LINGO2: variants seen among roughly 807,000 people sequenced by gnomAD.
LINGO2 encodes leucine rich repeat and Ig domain containing 2.
LINGO2 carries 14 observed loss-of-function variants against 30.6 expected under a neutral mutation model. That is an observed-to-expected ratio of 0.46 (90% CI 0.30 to 0.72). The LOEUF is 0.72. LINGO2 is among the 30% of genes least tolerant of loss of function. The pLI is 0.07. For synonymous variants in LINGO2, 317 were observed against 288.5 expected (o/e 1.10, Z -1.00); for missense variants, 729 against 751.7 (o/e 0.97, Z 0.35).
chr9:28,333,657 C>T (rs751292750), intron 3 of LINGO2, among the ~76,000 whole-genome samples: 24 of 152,066 alleles, frequency 1.6e-4, no homozygotes, highest in Non-Finnish European at 3.2e-4. Context: ...AAAGCTGTGA[C>T]GTACTCTTAA....
intron 4 of LINGO2, among the ~76,000 whole-genome samples, chr9:28,239,494 A>G (rs187599069): frequency 6.6e-6 from 1 of 152,310 alleles, no homozygotes; most frequent in East Asian, 1.9e-4. Flanking sequence ...ATGCAAATCA[A>G]TCACTGTGAA....
chr9:27,984,791 A>T (rs1245394989), intron 5 of LINGO2, among the ~76,000 whole-genome samples: 1 of 151,400 alleles, frequency 6.6e-6, no homozygotes, highest in Non-Finnish European at 1.5e-5. Flanking sequence ...ATCTGTTTCT[A>T]AAAAAATCTT....
chr9:28,432,129 C>A (rs1017815831), intron 2 of LINGO2, among the ~76,000 whole-genome samples: 2 of 152,018 alleles, frequency 1.3e-5, no homozygotes, highest in Admixed American at 6.6e-5. Flanking sequence ...ATTAGCTCTG[C>A]CTGGAAAGGT....
intron 1 of LINGO2, among the ~76,000 whole-genome samples, chr9:28,636,157 T>TTA (rs1168105869): frequency 1.3e-5 from 2 of 152,194 alleles, no homozygotes; most frequent in East Asian, 1.9e-4. Flanking sequence ...CATGAACTCA[T>TTA]TATTTTTTAT....
At chr9:29,061,212 TCAAAAG>T in the LINGO2 span, among the ~76,000 whole-genome samples, 3 of 151,884 alleles carry the variant, frequency 2.0e-5, no homozygotes, top group Admixed American at 2.0e-4. Context: ...TGCATAAATC[TCAAAAG>T]CACTGTGAAA....
rs76376673 is a variant in LINGO2, at chr9:28,053,683, C to T, written c.-86-41278G>A. ...GGGGAATTGTAAAATAAACTGATGT[C>T]GAGGCCTCATCATGAAATCTTGATA... is the stretch of plus-strand genomic sequence containing the variant. On this transcript the variant is annotated intron_variant, in intron 4 of 5. Coordinates refer to ENST00000379992, the Ensembl canonical transcript of LINGO2. Among the ~76,000 whole-genome samples, 799 of 152,054 alleles carry T rather than the reference C, an allele frequency of 5.3e-3. 11 individuals are homozygous for T. Among genetic ancestry groups the T allele is most frequent in the African/African-American group, 0.018 (762 of 41,494 alleles).
chr9:28,269,327 G>C (rs987940564), intron 4 of LINGO2, among the ~76,000 whole-genome samples: 8 of 152,040 alleles, frequency 5.3e-5, no homozygotes, highest in Non-Finnish European at 8.8e-5. Context: ...TATGATTTCA[G>C]TGAGTGCCTA....
intron 2 of LINGO2, among the ~76,000 whole-genome samples, chr9:28,454,286 C>T (rs2135087476): frequency 6.6e-6 from 1 of 152,092 alleles, no homozygotes; most frequent in South Asian, 2.1e-4. Context: ...TGACACTTTG[C>T]TAAAATTGTT....
chr9:29,048,867 A>G, the LINGO2 span, among the ~76,000 whole-genome samples: 2 of 152,242 alleles, frequency 1.3e-5, no homozygotes, highest in East Asian at 1.9e-4. Context: ...AACTACTACA[A>G]GAAAACATTG....
chr9:28,473,942 A>G (rs911908045), intron 2 of LINGO2, among the ~76,000 whole-genome samples: 1 of 152,184 alleles, frequency 6.6e-6, no homozygotes, highest in Non-Finnish European at 1.5e-5. Context: ...GATAAAAAAC[A>G]TTCCATCAGC....
intron 4 of LINGO2, among the ~76,000 whole-genome samples, chr9:28,249,539 T>C (rs548175501): frequency 1.1e-4 from 17 of 152,256 alleles, no homozygotes; most frequent in Admixed American, 7.8e-4. Context: ...CTTAAATTAA[T>C]GGGCCTTAAG....
At chr9:28,503,454 A>C (rs1331094028) in intron 1 of LINGO2, among the ~76,000 whole-genome samples, 1 of 152,040 alleles carries the variant, frequency 6.6e-6, no homozygotes, top group African/African-American at 2.4e-5. Context: ...ATTTAGCATC[A>C]CCTTTAGGGT....
chr9:28,606,204 G>A (rs182544436), intron 1 of LINGO2, among the ~76,000 whole-genome samples: 185 of 152,052 alleles, frequency 1.2e-3, no homozygotes, highest in Admixed American at 6.4e-3. Flanking sequence ...ATCTTTTAAA[G>A]TTTATTGCCA....
chr9:28,437,286 C>G (rs1441826096), intron 2 of LINGO2, among the ~76,000 whole-genome samples: 1 of 152,162 alleles, frequency 6.6e-6, no homozygotes, highest in East Asian at 1.9e-4. Context: ...TAACTCTAGA[C>G]TCTTCAGACT....
chr9:28,145,197 C>T (rs1009131172), intron 4 of LINGO2, among the ~76,000 whole-genome samples: 1 of 152,124 alleles, frequency 6.6e-6, no homozygotes, highest in Admixed American at 6.5e-5. Flanking sequence ...AAGGTAGGGA[C>T]ATGAGGAAGC....
the LINGO2 span, among the ~76,000 whole-genome samples, chr9:29,155,951 A>C: frequency 6.6e-6 from 1 of 152,104 alleles, no homozygotes; most frequent in Non-Finnish European, 1.5e-5. Context: ...AGCATGAAAA[A>C]AGCAGAAGCA....
chr9:28,027,264 G>A (rs947372368), intron 4 of LINGO2, among the ~76,000 whole-genome samples: 21 of 152,060 alleles, frequency 1.4e-4, no homozygotes, highest in African/African-American at 4.3e-4. Context: ...CCCATTTTAC[G>A]GGTGAGGAAA....
intron 2 of LINGO2, among the ~76,000 whole-genome samples, chr9:28,434,345 A>C (rs1823824759): frequency 1.4e-5 from 1 of 70,740 alleles, no homozygotes; most frequent in South Asian, 5.1e-4. Flanking sequence ...ATTAAGAAAA[A>C]AAGGAAAAAA....
At chr9:28,734,381 T>A in the LINGO2 span, among the ~76,000 whole-genome samples, 1 of 152,204 alleles carries the variant, frequency 6.6e-6, no homozygotes, top group Admixed American at 6.5e-5. Flanking sequence ...TTACAATTTA[T>A]AAATTACTTA....
Sources: gnomAD v4.1 joint callset for allele counts (sites outside exome capture counted in the v4.1 genomes callset) on GRCh38, gnomAD v4.1.1 for gene constraint, MANE v1.5 for transcripts, NCBI Gene and HGNC (gene_info 2026-07-23, HGNC 2026-07-21) for gene names.